Variants in PPP2R2A observed in about 807,000 individuals in gnomAD.
PPP2R2A encodes protein phosphatase 2 regulatory subunit Balpha.
Under a neutral mutation model 53.2 loss-of-function variants are expected in PPP2R2A, and 9 were observed. The ratio of observed to expected loss-of-function variants is 0.17; its 90% CI spans 0.10 to 0.30. The LOEUF is 0.30. Among genes scored for constraint, PPP2R2A ranks in the 10% least tolerant of loss-of-function variants. The pLI is 1.00. For synonymous variants in PPP2R2A, 169 were observed against 174.2 expected (o/e 0.97, Z 0.23); for missense variants, 235 against 534.6 (o/e 0.44, Z 5.53).
At chr8:26,346,785 T>A (rs1022452512) in intron 3 of PPP2R2A, among the ~76,000 whole-genome samples, 4 of 152,224 alleles carry the variant, frequency 2.6e-5, no homozygotes, top group African/African-American at 9.6e-5. Flanking sequence ...TCTAGCGAAC[T>A]TCATCTGTAG....
At chr8:26,322,962 A>G (rs1316106296) in intron 2 of PPP2R2A, among the ~76,000 whole-genome samples, 1 of 152,144 alleles carries the variant, frequency 6.6e-6, no homozygotes, top group African/African-American at 2.4e-5. Flanking sequence ...CCCTCTCTTG[A>G]TCTTTAAGTA....
chr8:26,325,307 T>C (rs928005205), intron 2 of PPP2R2A, among the ~76,000 whole-genome samples: 9 of 152,050 alleles, frequency 5.9e-5, no homozygotes, highest in Non-Finnish European at 8.8e-5. Context: ...TCATGAGATT[T>C]GATGGGTTTG....
chr8:26,315,225 G>T (rs1256379770), intron 2 of PPP2R2A, among the ~76,000 whole-genome samples: 3 of 152,166 alleles, frequency 2.0e-5, no homozygotes, highest in African/African-American at 7.2e-5. Flanking sequence ...GAGGTAGTAA[G>T]AGTAAATTAG....
chr8:26,312,573 G>A (rs970733771), intron 2 of PPP2R2A, among the ~76,000 whole-genome samples: 1 of 152,174 alleles, frequency 6.6e-6, no homozygotes, highest in African/African-American at 2.4e-5. Context: ...TTCTGTAAAT[G>A]AATAAAATAC....
At chr8:26,337,096 C>G (rs1003725781) in intron 2 of PPP2R2A, among the ~76,000 whole-genome samples, 1 of 152,034 alleles carries the variant, frequency 6.6e-6, no homozygotes, top group African/African-American at 2.4e-5. Flanking sequence ...GGCAACTCGG[C>G]CCATTATTCC....
intron 2 of PPP2R2A, among the ~76,000 whole-genome samples, chr8:26,327,343 T>C (rs1283981334): frequency 6.6e-6 from 1 of 152,116 alleles, no homozygotes; most frequent in Admixed American, 6.5e-5. Context: ...AATAAATAAG[T>C]TAATTAATCC....
At position 26,294,810 on chromosome 8, in the gene PPP2R2A, T is replaced by C. The variant is rs554367777; in HGVS notation, c.82+1070T>C. Among the ~76,000 whole-genome samples, 3 of 152,314 alleles carry C rather than the reference T, an allele frequency of 2.0e-5. No homozygotes were observed. The East Asian group carries it at 5.8e-4, about 29-fold the overall frequency. On this transcript the variant is annotated intron_variant, in intron 2 of 9. Coordinates refer to ENST00000380737, the MANE Select transcript of PPP2R2A (RefSeq NM_002717.4). ...ATTGTCTGTTTTAGAGTGTGGTGAATCCTATGGCAAGCCAACTGGTGTAGA... is the reference window on the plus strand; with the variant it reads ...ATTGTCTGTTTTAGAGTGTGGTGAACCCTATGGCAAGCCAACTGGTGTAGA...
Position 26,366,310 on chromosome 8 carries a change from C to A in PPP2R2A, c.973-5C>A, listed in dbSNP as rs1165796832. 1.3e-6 allele frequency: 2 copies of A among 1,590,774 alleles called. No individual in the cohort carries two copies. The highest frequency in any genetic ancestry group is 1.7e-6 in the Non-Finnish European group (2 of 1,170,884). On this transcript the variant is annotated splice_polypyrimidine_tract_variant and splice_region_variant and intron_variant, in intron 8 of 9. Coordinates refer to ENST00000380737, the MANE Select transcript of PPP2R2A (RefSeq NM_002717.4). ...CAGTGCAGTATATTTGTATTTTTCCCCCAGGTGCATGAATACCTCAGAAGT... is the reference window on the plus strand; with the variant it reads ...CAGTGCAGTATATTTGTATTTTTCCACCAGGTGCATGAATACCTCAGAAGT...
intron 2 of PPP2R2A, among the ~76,000 whole-genome samples, chr8:26,305,087 C>T (rs1801955690): frequency 6.6e-6 from 1 of 152,124 alleles, no homozygotes; most frequent in Non-Finnish European, 1.5e-5. Context: ...TTCCCCTCCC[C>T]TCAGCTCTTG....
chr8:26,330,040 T>A (rs779861548), intron 2 of PPP2R2A, among the ~76,000 whole-genome samples: 2 of 152,192 alleles, frequency 1.3e-5, no homozygotes, highest in African/African-American at 2.4e-5. Flanking sequence ...GCCCTGCCCC[T>A]TCCCAGGACT....
In PPP2R2A at chr8:26,366,252, A is replaced by G. The variant is rs145439647; in HGVS notation, c.973-63A>G. 1.7e-3 allele frequency: 2,254 copies of G among 1,328,794 alleles called. 1 individual carries two copies. Among genetic ancestry groups the G allele is most frequent in the Middle Eastern group, 2.3e-3 (12 of 5,230 alleles). The allele number at this position is 1,328,794 out of a possible 1,614,324, so 82.3% of individuals were successfully genotyped here. On this transcript the variant is annotated intron_variant, in intron 8 of 9. Coordinates refer to ENST00000380737, the MANE Select transcript of PPP2R2A (RefSeq NM_002717.4). ...GTATATGCCCTTTTTTTCTTTTTAA[A>G]GATATGGACTTGTTAAATCATTTTC...
rs1805691777 is a variant in PPP2R2A at position 26,372,265 on chromosome 8, G to GTT, written c.*1854_*1855dup. The GTT allele has an allele frequency of 6.6e-6, 1 of 152,130 alleles. No individual in the cohort carries two copies. The highest frequency in any genetic ancestry group is 2.4e-5 in the African/African-American group (1 of 41,418). The allele number at this position is 152,130 out of a possible 1,614,324, so 9.4% of individuals were successfully genotyped here. On this transcript the variant is annotated 3_prime_UTR_variant, in exon 10 of 10. Coordinates refer to ENST00000380737, the MANE Select transcript of PPP2R2A (RefSeq NM_002717.4). ...GATCTTGGGTACATTCTTAATTTGT[G>GTT]TTTATTCTTCACGCTTGACTTGCAA...
intron 2 of PPP2R2A, among the ~76,000 whole-genome samples, chr8:26,328,965 G>T (rs866432488): frequency 3.9e-5 from 6 of 152,272 alleles, no homozygotes; most frequent in African/African-American, 1.2e-4. Context: ...TCTGCTAAAT[G>T]ACTGTTCCAG....
chr8:26,332,605 T>C (rs528856174), intron 2 of PPP2R2A, among the ~76,000 whole-genome samples: 7 of 152,314 alleles, frequency 4.6e-5, no homozygotes, highest in Non-Finnish European at 8.8e-5. Flanking sequence ...TGGTTAATGC[T>C]TCATCTGTAG....
In PPP2R2A at chr8:26,364,754, T is replaced by G. The variant is rs186609581; in HGVS notation, c.972+864T>G. On this transcript the variant is annotated intron_variant, in intron 8 of 9. Transcript: ENST00000380737. The stretch of plus-strand genomic sequence containing the variant: ...TTGCTTTTCAAAGTATAGTTCACTA[T>G]TGAGCAACATGGATTTGAACTGCAT... Among the ~76,000 whole-genome samples the G allele has an allele frequency of 3.1e-3, 473 of 152,370 alleles. 11 individuals carry two copies. Among genetic ancestry groups the G allele is most frequent in the Admixed American group, 0.028 (430 of 15,296 alleles).
At chr8:26,319,798 G>T (rs1802741678) in intron 2 of PPP2R2A, among the ~76,000 whole-genome samples, 1 of 152,116 alleles carries the variant, frequency 6.6e-6, no homozygotes, top group African/African-American at 2.4e-5. Flanking sequence ...CATGAACATG[G>T]AATGTCTTTT....
intron 2 of PPP2R2A, among the ~76,000 whole-genome samples, chr8:26,308,343 A>G (rs1305182962): frequency 6.6e-6 from 1 of 152,250 alleles, no homozygotes; most frequent in Non-Finnish European, 1.5e-5. Context: ...TCTCTGTAGC[A>G]TGCAATGCTC....
chr8:26,293,200 T>G (rs1319509943), intron 1 of PPP2R2A: 2 of 1,530,500 alleles, frequency 1.3e-6, no homozygotes, highest in Admixed American at 2.0e-5. Flanking sequence ...GTGTGTGCAC[T>G]TTGGTGATAA....
At chr8:26,344,463 A>G (rs1804107511) in intron 3 of PPP2R2A, among the ~76,000 whole-genome samples, 1 of 152,222 alleles carries the variant, frequency 6.6e-6, no homozygotes, top group Admixed American at 6.5e-5. Flanking sequence ...CAGTCTCATT[A>G]CTTTATACCT....
Sources: gnomAD v4.1 joint callset for allele counts (sites outside exome capture counted in the v4.1 genomes callset) on GRCh38, gnomAD v4.1.1 for gene constraint, MANE v1.5 for transcripts, NCBI Gene and HGNC (gene_info 2026-07-23, HGNC 2026-07-21) for gene names.